The following IKZF1 variants were observed in gnomAD, a reference collection of about 807,000 sequenced individuals.
IKZF1 encodes the protein IKAROS family zinc finger 1.
A neutral mutation model predicts 51.7 loss-of-function variants in IKZF1; 10 were observed. The ratio of observed to expected loss-of-function variants is 0.19; its 90% CI spans 0.12 to 0.33. The LOEUF is 0.33. Among genes scored for constraint, IKZF1 ranks in the 10% least tolerant of loss-of-function variants. IKZF1 has a pLI of 1.00. For missense variants in IKZF1, 484 were observed against 707.5 expected (o/e 0.68, Z 3.58); for synonymous variants, 280 against 282.3 (o/e 0.99, Z 0.08).
At chr7:50,369,580 C>G (rs951258784) in intron 3 of IKZF1, 6 of 398,486 alleles carry the variant, frequency 1.5e-5, no homozygotes, top group East Asian at 7.1e-5. Flanking sequence ...TGCCTTCCCC[C>G]GCAAAACAGC....
chr7:50,381,894 A>ATC (rs948334383), intron 4 of IKZF1, among the ~76,000 whole-genome samples: 4 of 151,600 alleles, frequency 2.6e-5, no homozygotes, highest in East Asian at 1.9e-4. Context: ...ATCTTTCTCC[A>ATC]TCTCTCTCTC....
intron 7 of IKZF1, chr7:50,394,053 G>A (rs183912559): frequency 8.2e-5 from 19 of 232,230 alleles, no homozygotes; most frequent in African/African-American, 3.5e-4. Context: ...CAATGTGGGC[G>A]TTGGCTTGAG....
intron 1 of IKZF1, among the ~76,000 whole-genome samples, chr7:50,307,518 G>A (rs1444493958): frequency 6.6e-6 from 1 of 152,156 alleles, no homozygotes; most frequent in African/African-American, 2.4e-5. Context: ...TCCTGGCTGT[G>A]AACATTGTTC....
chr7:50,312,560 T>C (rs1260789298), intron 1 of IKZF1, among the ~76,000 whole-genome samples: 1 of 152,236 alleles, frequency 6.6e-6, no homozygotes, highest in Non-Finnish European at 1.5e-5. Context: ...TTCTTATACC[T>C]CACTTTGAAA....
intron 6 of IKZF1, 102 bp from the exon 7 acceptor site, chr7:50,391,627 G>A: frequency 6.7e-7 from 1 of 1,493,792 alleles, no homozygotes; most frequent in Non-Finnish European, 9.0e-7. Context: ...GGAAGGGCCT[G>A]GCTCTTGTAG....
At chr7:50,304,019 G>A (rs1788165921), upstream of IKZF1, 1 of 145,314 alleles carries the variant, frequency 6.9e-6, no homozygotes, top group Non-Finnish European at 1.5e-5. Flanking sequence ...CGGCGGCGAG[G>A]GGAGGGCCCG....
intron 7 of IKZF1, among the ~76,000 whole-genome samples, chr7:50,396,867 G>A (rs943738395): frequency 2.6e-5 from 4 of 152,158 alleles, no homozygotes; most frequent in East Asian, 1.9e-4. Context: ...CCTAGTTGGG[G>A]AATGCTTTCA....
At chr7:50,367,621 C>T (rs1354072846) in intron 3 of IKZF1, 1 of 163,990 alleles carries the variant, frequency 6.1e-6, no homozygotes, top group South Asian at 1.9e-4. Flanking sequence ...TTAAGAAACA[C>T]GCACTTTTGT....
intron 7 of IKZF1, 52 bp from the exon 8 acceptor site, chr7:50,399,866 G>A: frequency 1.3e-6 from 2 of 1,556,612 alleles, no homozygotes; most frequent in South Asian, 2.4e-5. Context: ...TGCCAGACCT[G>A]ACCGGTTCCG....
At chr7:50,337,803 A>G (rs1221867229) in intron 3 of IKZF1, among the ~76,000 whole-genome samples, 1 of 152,162 alleles carries the variant, frequency 6.6e-6, no homozygotes, top group Non-Finnish European at 1.5e-5. Context: ...TATTTGATGT[A>G]GGGGGCACTT....
intron 3 of IKZF1, among the ~76,000 whole-genome samples, chr7:50,355,680 CCAGT>C (rs1299280265): frequency 6.6e-6 from 1 of 151,770 alleles, no homozygotes; most frequent in Non-Finnish European, 1.5e-5. Context: ...TCAGAAAGTC[CCAGT>C]CAAATTTTAA....
intron 4 of IKZF1, among the ~76,000 whole-genome samples, chr7:50,379,308 C>T (rs1811181627): frequency 6.6e-6 from 1 of 152,256 alleles, no homozygotes; most frequent in East Asian, 1.9e-4. Flanking sequence ...CATTGTTCCT[C>T]CTCCTGCCCA....
At chr7:50,336,487 G>A (rs973106911) in intron 3 of IKZF1, among the ~76,000 whole-genome samples, 2 of 152,202 alleles carry the variant, frequency 1.3e-5, no homozygotes, top group Non-Finnish European at 2.9e-5. Flanking sequence ...GTGCTGGAAA[G>A]GGAACCCTCA....
At chr7:50,340,385 A>G (rs1214576383) in intron 3 of IKZF1, among the ~76,000 whole-genome samples, 2 of 152,142 alleles carry the variant, frequency 1.3e-5, no homozygotes, top group Non-Finnish European at 2.9e-5. Flanking sequence ...AATCACCAGG[A>G]GATGATTCTG....
chr7:50,400,335 G>C lies in IKZF1; in HGVS notation c.1268G>C (p.Arg423Pro), dbSNP rs779574916. 6.2e-7 allele frequency: 1 copy of C among 1,612,806 alleles called. No homozygotes were observed. The highest frequency in any genetic ancestry group is 1.3e-5 in the African/African-American group (1 of 75,008). ...YLTNHIAPHA[R>P]NGLSLKEEHR... is the part of the protein sequence containing the mutation. ...ACCAACCACATCGCCCCGCACGCGC[G>C]CAACGGGCTGTCGCTCAAGGAGGAG... Residue 423 changes from arginine (R) to proline (P), a missense_variant, in exon 8 of 8, where the codon CGC (arginine) becomes CCC (proline). This residue lies in a region of IKZF1 where 72 missense variants were observed against 67.5 expected (regional missense o/e 1.07). Transcript: ENST00000331340. This position sits in a 1 kb window ranked among gnomAD's most constrained non-coding sequence, Gnocchi z 5.4.
chr7:50,312,848 G>A (rs1790533599), intron 1 of IKZF1, among the ~76,000 whole-genome samples: 1 of 152,192 alleles, frequency 6.6e-6, no homozygotes, highest in Non-Finnish European at 1.5e-5. Flanking sequence ...TAAATGTCGG[G>A]GGAGGGTGGT....
At chr7:50,367,326 G>T (rs903913709) in intron 3 of IKZF1, among the ~76,000 whole-genome samples, 6 of 152,192 alleles carry the variant, frequency 3.9e-5, no homozygotes, top group African/African-American at 1.4e-4. Flanking sequence ...GTGTGTGTGT[G>T]TGTGTGTACA....
chr7:50,370,095 C>G (rs558391672), intron 3 of IKZF1, among the ~76,000 whole-genome samples: 1 of 152,216 alleles, frequency 6.6e-6, no homozygotes, highest in East Asian at 1.9e-4. Context: ...TTGATTTTTA[C>G]TTGCTAGTCA....
chr7:50,320,065 C>T (rs192200490), intron 2 of IKZF1, among the ~76,000 whole-genome samples: 183 of 152,194 alleles, frequency 1.2e-3, no homozygotes, highest in African/African-American at 4.3e-3. Context: ...ACTCCTCAGC[C>T]GCTCTATTCA....
Sources: allele counts gnomAD v4.1 joint callset (sites outside exome capture counted in the v4.1 genomes callset), GRCh38; gene constraint gnomAD v4.1.1; regional missense constraint gnomAD v4.1.1; non-coding constraint Gnocchi (gnomAD v3.1); transcripts MANE v1.5; gene names NCBI Gene and HGNC (gene_info 2026-07-23, HGNC 2026-07-21).